The following SYT17 variants were observed in gnomAD, a reference collection of about 807,000 sequenced individuals.
SYT17 encodes synaptotagmin-17.
A neutral mutation model predicts 46.7 loss-of-function variants in SYT17; 22 were observed. The observed-to-expected ratio is 0.47, with a 90% confidence interval of 0.34 to 0.67. SYT17 has a LOEUF of 0.67. Among genes scored for constraint, SYT17 ranks in the 30% least tolerant of loss-of-function variants. The probability of loss-of-function intolerance (pLI) is 0.01; values close to 1 mark genes in which losing one functional copy is unlikely to be tolerated. For missense variants in SYT17, 519 were observed against 612.8 expected (o/e 0.85, Z 1.62); for synonymous variants, 251 against 248.4 (o/e 1.01, Z -0.10).
At chr16:19,201,661 T>C (rs1410264483) in intron 5 of SYT17, among the ~76,000 whole-genome samples, 1 of 131,252 alleles carries the variant, frequency 7.6e-6, no homozygotes, top group African/African-American at 3.1e-5. Context: ...CTACAAGGGA[T>C]GCCCCTGCTT....
At position 19,215,199 on chromosome 16, in the gene SYT17, TTC is replaced by T. The variant is rs1188539213; in HGVS notation, c.952-7842_952-7841del. On this transcript the variant is annotated intron_variant, in intron 5 of 7. Transcript: ENST00000355377. ...ACCAAATTCTTGCCAAAAATTATAT[TTC>T]TCTTTTTTTAAAATTTATTTGATGT... 2.6e-5 allele frequency among the ~76,000 whole-genome samples: 4 copies of T among 152,220 alleles called. No individual in the cohort carries two copies. The East Asian group carries it at 5.8e-4, about 22-fold the overall frequency.
At chr16:19,223,221 T>A in intron 6 of SYT17, 56 bp downstream of exon 6, 1 of 1,590,380 alleles carries the variant, frequency 6.3e-7, no homozygotes, top group South Asian at 1.1e-5. Flanking sequence ...TGTGTTTGTG[T>A]GGAGAACCCA....
At chr16:19,234,537 A>G (rs1966816903) in intron 7 of SYT17, among the ~76,000 whole-genome samples, 1 of 152,186 alleles carries the variant, frequency 6.6e-6, no homozygotes, top group Non-Finnish European at 1.5e-5. Flanking sequence ...TTGTACAGTT[A>G]GTGCTCAATA....
intron 3 of SYT17, among the ~76,000 whole-genome samples, chr16:19,176,507 C>T (rs747642450): frequency 6.6e-6 from 1 of 152,212 alleles, no homozygotes; most frequent in Admixed American, 6.5e-5. Flanking sequence ...CTACTTATTT[C>T]TACCATTGTT....
chr16:19,210,847 T>G (rs1965873240), intron 5 of SYT17, among the ~76,000 whole-genome samples: 1 of 152,194 alleles, frequency 6.6e-6, no homozygotes, highest in Non-Finnish European at 1.5e-5. Context: ...TTGAAACCCT[T>G]TGCTAGGTGA....
At chr16:19,247,243 G>T (rs1344675228) in intron 7 of SYT17, among the ~76,000 whole-genome samples, 1 of 152,118 alleles carries the variant, frequency 6.6e-6, no homozygotes, top group African/African-American at 2.4e-5. Flanking sequence ...TAATCTATTT[G>T]GTAGGTCTCC....
At chr16:19,241,766 G>A (rs188325202) in intron 7 of SYT17, among the ~76,000 whole-genome samples, 54 of 152,304 alleles carry the variant, frequency 3.5e-4, no homozygotes, top group Admixed American at 1.1e-3. Flanking sequence ...TGCGTGCCAG[G>A]GTCGGGAGTC....
At chr16:19,181,702 GAAA>G (rs11359520) in intron 4 of SYT17, among the ~76,000 whole-genome samples, 1 of 144,278 alleles carries the variant, frequency 6.9e-6, no homozygotes. Context: ...GGACAGTGAG[GAAA>G]AAAAAAAAAA....
In SYT17 at chr16:19,168,733, G is replaced by T; in HGVS notation, c.15+72G>T. 7.1e-7 allele frequency: 1 copy of T among 1,415,530 alleles called. No individual in the cohort carries two copies. The highest frequency in any genetic ancestry group is 9.3e-7 in the Non-Finnish European group (1 of 1,078,282). 87.7% of individuals were successfully genotyped at this position (1,415,530 alleles called of 1,614,324 possible). On this transcript the variant is annotated intron_variant, in intron 1 of 7. Transcript: ENST00000355377. The surrounding 1 kb of genome is among the most constrained non-coding windows in gnomAD (Gnocchi z 6.9). ...CCGCGCCCCCTCCGGCTGGGAGCGCGCGGAAGGGAGGGCCCACGGCTAGGC... is the reference window on the plus strand; with the variant it reads ...CCGCGCCCCCTCCGGCTGGGAGCGCTCGGAAGGGAGGGCCCACGGCTAGGC...
intron 5 of SYT17, among the ~76,000 whole-genome samples, chr16:19,214,609 G>A (rs1393322547): frequency 2.6e-5 from 4 of 152,074 alleles, no homozygotes; most frequent in African/African-American, 4.8e-5. Context: ...TGTTAGAGCC[G>A]ACATTTATGA....
chr16:19,180,639 C>T (rs113350970), intron 4 of SYT17, 100 bp downstream of exon 4: 29 of 1,446,962 alleles, frequency 2.0e-5, no homozygotes, highest in Middle Eastern at 3.6e-4. Context: ...TGGGGGAGGG[C>T]GGCAGAGTGG....
intron 7 of SYT17, among the ~76,000 whole-genome samples, chr16:19,266,662 C>T (rs1969380520): frequency 6.6e-6 from 1 of 152,134 alleles, no homozygotes; most frequent in South Asian, 2.1e-4. Flanking sequence ...TGGCAGGAAA[C>T]CAGGTGCAGC....
chr16:19,170,997 C>T (rs1026061566), intron 1 of SYT17: 16 of 152,124 alleles, frequency 1.1e-4, no homozygotes, highest in Middle Eastern at 3.2e-3. Flanking sequence ...CAACAGCACG[C>T]CTTTGAGGTA....
intron 5 of SYT17, among the ~76,000 whole-genome samples, chr16:19,187,518 T>C (rs963873338): frequency 6.6e-6 from 1 of 152,210 alleles, no homozygotes; most frequent in Non-Finnish European, 1.5e-5. Flanking sequence ...AAGTTTTAAA[T>C]GATGGAATCC....
intron 7 of SYT17, among the ~76,000 whole-genome samples, chr16:19,266,597 G>A (rs575155753): frequency 6.6e-6 from 1 of 152,272 alleles, no homozygotes; most frequent in South Asian, 2.1e-4. Context: ...CAGCTGTCTG[G>A]CAGAAGGAAC....
chr16:19,168,366 A>C lies in SYT17; in HGVS notation c.-281A>C, dbSNP rs1963945464. On this transcript the variant is annotated 5_prime_UTR_variant, in exon 1 of 8. Transcript: ENST00000355377. The surrounding 1 kb of genome is among the most constrained non-coding windows in gnomAD (Gnocchi z 6.9). ...CCTGGGGAGCGCCTCGGTGGGGAGC[A>C]CGGGACAGCGAGGGAGGCCGAGGCG... 4 of 517,004 alleles carry C rather than the reference A, an allele frequency of 7.7e-6. No homozygotes were observed. Among genetic ancestry groups the C allele is most frequent in the Non-Finnish European group, 1.4e-5 (4 of 294,074 alleles). 32.0% of individuals were successfully genotyped at this position (517,004 alleles called of 1,614,324 possible).
chr16:19,253,483 G>T (rs568231998), intron 7 of SYT17, among the ~76,000 whole-genome samples: 2 of 152,184 alleles, frequency 1.3e-5, no homozygotes, highest in African/African-American at 4.8e-5. Context: ...AGGCAGGCAG[G>T]TCCCAGAAAG....
Position 19,256,325 on chromosome 16 carries a change from G to A in SYT17, c.1229-10555G>A, listed in dbSNP as rs147020256. On this transcript the variant is annotated intron_variant, in intron 7 of 7. Transcript: ENST00000355377. Reference sequence around the variant, plus strand: ...CCATGCTGGACCCTAGAGAGATGGCGAGAAGGGCCTCAACATGGCGCCTTT... The same window carrying A: ...CCATGCTGGACCCTAGAGAGATGGCAAGAAGGGCCTCAACATGGCGCCTTT... 6.2e-3 allele frequency among the ~76,000 whole-genome samples: 939 copies of A among 151,968 alleles called. 15 individuals carry two copies. Among genetic ancestry groups the A allele is most frequent in the African/African-American group, 0.022 (899 of 41,440 alleles).
chr16:19,218,497 G>A (rs1284489710), intron 5 of SYT17, among the ~76,000 whole-genome samples: 1 of 152,146 alleles, frequency 6.6e-6, no homozygotes, highest in Non-Finnish European at 1.5e-5. Flanking sequence ...ATCTGCAAAG[G>A]GAAGAAGGAA....
Sources: gnomAD v4.1 joint callset for allele counts (sites outside exome capture counted in the v4.1 genomes callset) on GRCh38, gnomAD v4.1.1 for gene constraint, Gnocchi (gnomAD v3.1) non-coding constraint, MANE v1.5 for transcripts, NCBI Gene and HGNC (gene_info 2026-07-23, HGNC 2026-07-21) for gene names.